The following TOX variants were observed in gnomAD, a reference collection of about 807,000 sequenced individuals.
TOX encodes thymocyte selection associated high mobility group box.
TOX carries 11 observed loss-of-function variants against 53.7 expected under a neutral mutation model. That is an observed-to-expected ratio of 0.20 (90% CI 0.13 to 0.34). The LOEUF (loss-of-function observed/expected upper bound fraction) is 0.34. Ranked by LOEUF, TOX falls within the 10% of genes least tolerant of loss-of-function variation. The pLI is 1.00. For synonymous variants in TOX, 225 were observed against 245.3 expected, an observed-to-expected ratio of 0.92 and a Z score of 0.77; for missense variants, 570 against 664.6, an observed-to-expected ratio of 0.86 and a Z score of 1.56.
intron 7 of TOX, among the ~76,000 whole-genome samples, chr8:58,812,437 G>C (rs1288134178): frequency 6.6e-6 from 1 of 152,216 alleles, no homozygotes. Context: ...CCCAGCTAGA[G>C]TCCCCTTTCC....
chr8:59,078,525 C>T (rs1373245333), intron 1 of TOX, among the ~76,000 whole-genome samples: 1 of 152,184 alleles, frequency 6.6e-6, no homozygotes, highest in Non-Finnish European at 1.5e-5. Context: ...TTGGCTTCCA[C>T]CATGATTGTA....
At chr8:58,992,535 T>C (rs1309008295) in intron 1 of TOX, among the ~76,000 whole-genome samples, 2 of 152,204 alleles carry the variant, frequency 1.3e-5, no homozygotes, top group African/African-American at 2.4e-5. Flanking sequence ...TATGGATTCA[T>C]GGTCAGCTAT....
chr8:59,051,883 C>A (rs1803796734), intron 1 of TOX, among the ~76,000 whole-genome samples: 1 of 152,128 alleles, frequency 6.6e-6, no homozygotes, highest in Non-Finnish European at 1.5e-5. Context: ...TTTATCAGCT[C>A]TATTTAGTGA....
intron 3 of TOX, among the ~76,000 whole-genome samples, chr8:58,880,674 T>A (rs538414614): frequency 6.6e-6 from 1 of 152,062 alleles, no homozygotes; most frequent in Non-Finnish European, 1.5e-5. Flanking sequence ...CCTGAGATGA[T>A]GAAGTTGCTC....
At chr8:58,896,119 C>T (rs1811640409) in intron 3 of TOX, among the ~76,000 whole-genome samples, 1 of 152,154 alleles carries the variant, frequency 6.6e-6, no homozygotes, top group Non-Finnish European at 1.5e-5. Context: ...AATTGCATTG[C>T]TTCCTACGTT....
intron 3 of TOX, among the ~76,000 whole-genome samples, chr8:58,866,157 C>G (rs1007920731): frequency 7.2e-5 from 11 of 152,104 alleles, no homozygotes; most frequent in African/African-American, 2.7e-4. Flanking sequence ...TTTTTAACAA[C>G]AACAAAGTAC....
chr8:59,031,986 C>T (rs1489778983), intron 1 of TOX, among the ~76,000 whole-genome samples: 2 of 152,144 alleles, frequency 1.3e-5, no homozygotes, highest in Non-Finnish European at 2.9e-5. Flanking sequence ...TGACTTAATG[C>T]TTAATGTTTT....
intron 1 of TOX, among the ~76,000 whole-genome samples, chr8:59,052,773 C>G (rs1803814856): frequency 6.6e-6 from 1 of 152,090 alleles, no homozygotes; most frequent in Non-Finnish European, 1.5e-5. Context: ...CATTCCTTAG[C>G]ATATTAATAA....
chr8:58,896,656 A>C (rs1811652315), intron 3 of TOX, among the ~76,000 whole-genome samples: 1 of 150,770 alleles, frequency 6.6e-6, no homozygotes, highest in Non-Finnish European at 1.5e-5. Flanking sequence ...GTCTGGTGAC[A>C]GAGCGAGAAT....
At chr8:58,845,031 G>A (rs1044036031) in intron 4 of TOX, among the ~76,000 whole-genome samples, 1 of 152,046 alleles carries the variant, frequency 6.6e-6, no homozygotes, top group Non-Finnish European at 1.5e-5. Flanking sequence ...ATGTGCTAAT[G>A]GTGTTGCTTA....
chr8:58,953,187 T>A (rs1375485070), intron 2 of TOX, among the ~76,000 whole-genome samples: 1 of 152,082 alleles, frequency 6.6e-6, no homozygotes. Context: ...ACAACATCAA[T>A]GTGGTTGGCC....
At chr8:58,858,766 C>G (rs1810957865) in intron 3 of TOX, among the ~76,000 whole-genome samples, 1 of 152,224 alleles carries the variant, frequency 6.6e-6, no homozygotes, top group South Asian at 2.1e-4. Flanking sequence ...TACACACTAT[C>G]AAACACACAC....
At chr8:58,983,189 A>C (rs928308870) in intron 1 of TOX, among the ~76,000 whole-genome samples, 1 of 152,260 alleles carries the variant, frequency 6.6e-6, no homozygotes, top group African/African-American at 2.4e-5. Context: ...GACAGCAGAC[A>C]CTGTGGACTT....
intron 7 of TOX, among the ~76,000 whole-genome samples, chr8:58,812,508 G>T (rs533698229): frequency 6.6e-6 from 1 of 152,136 alleles, no homozygotes; most frequent in Admixed American, 6.5e-5. Context: ...TATTTAAAGC[G>T]TGCTTCCTCT....
rs1392699962 is a variant in TOX, at chr8:58,939,481, G to A, written c.232C>T (p.Leu78Phe). 1.9e-6 allele frequency: 3 copies of A among 1,614,178 alleles called. No homozygotes were observed. In the East Asian group the frequency reaches 6.7e-5, roughly 36 times the overall value. Reference sequence around the variant, plus strand: ...AGGTGCACCAGCGAGTGGTCTGGGAGGGAAGGAGGAGTAATTGGTGGAATG... The same window carrying A: ...AGGTGCACCAGCGAGTGGTCTGGGAAGGAAGGAGGAGTAATTGGTGGAATG... ...FNIPPITPPSLPDHSLVHLNE... is the reference protein window; with the variant it reads ...FNIPPITPPSFPDHSLVHLNE... Residue 78 changes from leucine (L) to phenylalanine (F), a missense_variant, in exon 3 of 9, where the codon CTC becomes TTC. Leu to Phe is a conservative substitution (Grantham distance 22). Around this residue, in one of 3 missense-constraint regions of TOX, gnomAD observed 282 missense variants for 315.0 expected, o/e 0.90. Transcript: ENST00000361421.
intron 3 of TOX, among the ~76,000 whole-genome samples, chr8:58,896,740 A>G (rs887235502): frequency 6.6e-6 from 1 of 152,196 alleles, no homozygotes; most frequent in Admixed American, 6.5e-5. Flanking sequence ...ACCTTAAGGG[A>G]GGAAATGCCA....
At chr8:59,108,463 G>A (rs755960468) in intron 1 of TOX, among the ~76,000 whole-genome samples, 8 of 152,078 alleles carry the variant, frequency 5.3e-5, no homozygotes, top group South Asian at 4.1e-4. Context: ...TCACAACTGC[G>A]CCTGTACATA....
chr8:58,826,772 T>C (rs1338245603), intron 6 of TOX, 50 bp downstream of exon 6: 2 of 1,514,366 alleles, frequency 1.3e-6, no homozygotes, highest in Non-Finnish European at 1.8e-6. Flanking sequence ...TATCAAAGTC[T>C]GCGCCGAGAT....
intron 1 of TOX, among the ~76,000 whole-genome samples, chr8:59,053,908 A>G (rs1803838981): frequency 2.0e-5 from 3 of 152,240 alleles, no homozygotes; most frequent in African/African-American, 7.2e-5. Flanking sequence ...TCAAAAAAAT[A>G]TATATCATAC....
Sources: allele counts gnomAD v4.1 joint callset (sites outside exome capture counted in the v4.1 genomes callset), GRCh38; gene constraint gnomAD v4.1.1; regional missense constraint gnomAD v4.1.1; transcripts MANE v1.5; gene names NCBI Gene and HGNC (gene_info 2026-07-23, HGNC 2026-07-21).